SPACA1: variants seen among roughly 807,000 people sequenced by gnomAD.
The protein encoded by SPACA1 is sperm acrosome associated 1.
Under a neutral mutation model 32.6 loss-of-function variants are expected in SPACA1, and 17 were observed. The ratio of observed to expected loss-of-function variants is 0.52; its 90% CI spans 0.36 to 0.78. SPACA1 has a LOEUF of 0.78. Among genes scored for constraint, SPACA1 ranks in the 30% least tolerant of loss-of-function variants. The pLI, the probability that SPACA1 is intolerant of heterozygous loss-of-function variation, is 0.01. For synonymous variants in SPACA1, 140 were observed against 138.1 expected (o/e 1.01, Z -0.10); for missense variants, 363 against 373.4 (o/e 0.97, Z 0.23).
chr6:88,061,388 A>T (rs904769477), intron 5 of SPACA1, among the ~76,000 whole-genome samples: 1 of 151,900 alleles, frequency 6.6e-6, no homozygotes, highest in African/African-American at 2.4e-5. Context: ...ATCCAATATA[A>T]CTGGTGCCCT....
At chr6:88,064,628 A>C (rs1775949672) in intron 6 of SPACA1, among the ~76,000 whole-genome samples, 1 of 151,880 alleles carries the variant, frequency 6.6e-6, no homozygotes, top group East Asian at 1.9e-4. Flanking sequence ...GGTAAGTCTG[A>C]GGGCTCATAT....
At position 88,053,927 on chromosome 6, in the gene SPACA1, C is replaced by G; in HGVS notation, c.209-19C>G. The G allele has an allele frequency of 6.2e-7, 1 of 1,608,154 alleles. No individual in the cohort carries two copies. The highest frequency in any genetic ancestry group is 8.5e-7 in the Non-Finnish European group (1 of 1,175,390). On this transcript the variant is annotated intron_variant, in intron 1 of 6. Coordinates refer to ENST00000237201, the MANE Select transcript of SPACA1 (RefSeq NM_030960.3). ...GTTTTCATATAATTAAATAATGTAT[C>G]TTTACCCTTTATGTTTAGTTTCAAA...
At chr6:88,055,911 C>A (rs1341756097) in intron 2 of SPACA1, among the ~76,000 whole-genome samples, 4 of 151,518 alleles carry the variant, frequency 2.6e-5, no homozygotes, top group Admixed American at 2.6e-4. Flanking sequence ...GTGGAGGTTG[C>A]GTGAACTGAG....
At chr6:88,055,080 T>A (rs1019853364) in intron 2 of SPACA1, among the ~76,000 whole-genome samples, 2 of 151,728 alleles carry the variant, frequency 1.3e-5, no homozygotes, top group Non-Finnish European at 2.9e-5. Flanking sequence ...AAGTCAAGAG[T>A]CATAAAATGA....
upstream of SPACA1, chr6:88,047,739 G>A (rs1386222894): frequency 4.3e-6 from 3 of 692,938 alleles, no homozygotes; most frequent in Non-Finnish European, 7.0e-6. Flanking sequence ...CGAGTTCCAG[G>A]CGCTCAGCAC....
intron 6 of SPACA1, among the ~76,000 whole-genome samples, chr6:88,064,915 T>C (rs1775955235): frequency 6.7e-6 from 1 of 148,208 alleles, no homozygotes; most frequent in South Asian, 2.1e-4. Context: ...ATGGGTTATA[T>C]AATATATATG....
intron 6 of SPACA1, among the ~76,000 whole-genome samples, chr6:88,065,871 G>T (rs1775975046): frequency 6.6e-6 from 1 of 151,432 alleles, no homozygotes; most frequent in Admixed American, 6.6e-5. Context: ...CAAAATGTAT[G>T]ATTTTTACCA....
intron 5 of SPACA1, among the ~76,000 whole-genome samples, chr6:88,062,928 T>A (rs1258586322): frequency 1.3e-5 from 2 of 152,168 alleles, no homozygotes; most frequent in Non-Finnish European, 2.9e-5. Flanking sequence ...GAAAGAAATA[T>A]AGGAGACTAT....
At chr6:88,060,808 C>A (rs996558560) in intron 5 of SPACA1, among the ~76,000 whole-genome samples, 2 of 152,184 alleles carry the variant, frequency 1.3e-5, no homozygotes, top group African/African-American at 4.8e-5. Context: ...CCTGTTAGGA[C>A]AATTCAGTGT....
chr6:88,054,972 T>A (rs924798621), intron 2 of SPACA1, among the ~76,000 whole-genome samples: 1 of 152,108 alleles, frequency 6.6e-6, no homozygotes, highest in Non-Finnish European at 1.5e-5. Context: ...AACACTAACT[T>A]CCTGTTCCCC....
chr6:88,063,458 T>C (rs1231047156), intron 5 of SPACA1, among the ~76,000 whole-genome samples: 1 of 152,128 alleles, frequency 6.6e-6, no homozygotes, highest in Non-Finnish European at 1.5e-5. Context: ...TTACCTAGTG[T>C]GTGTTTCAAT....
At chr6:88,058,139 G>A (rs1775837889) in intron 3 of SPACA1, among the ~76,000 whole-genome samples, 2 of 152,132 alleles carry the variant, frequency 1.3e-5, no homozygotes, top group South Asian at 4.1e-4. Flanking sequence ...CAGTACATTG[G>A]AAGCCACTAA....
chr6:88,054,050 G>T, intron 2 of SPACA1, 48 bp downstream of exon 2: 1 of 1,569,930 alleles, frequency 6.4e-7, no homozygotes, highest in Non-Finnish European at 8.8e-7. Flanking sequence ...ATTTGCGGGG[G>T]AGGAAAGGTA....
chr6:88,059,704 C>A, intron 5 of SPACA1, 116 bp downstream of exon 5: 1 of 1,078,334 alleles, frequency 9.3e-7, no homozygotes. Context: ...GTTTCTGATT[C>A]AGTAGATTTG....
At chr6:88,065,170 G>C (rs1175905867) in intron 6 of SPACA1, among the ~76,000 whole-genome samples, 1 of 148,156 alleles carries the variant, frequency 6.7e-6, no homozygotes, top group Admixed American at 6.8e-5. Context: ...AACCGTATAT[G>C]TATACAAACG....
intron 2 of SPACA1, among the ~76,000 whole-genome samples, chr6:88,057,177 A>G (rs760440253): frequency 6.6e-6 from 1 of 152,224 alleles, no homozygotes; most frequent in Non-Finnish European, 1.5e-5. Context: ...CAATTAATTT[A>G]TGACATGTTA....
chr6:88,050,473 C>T (rs1339643811), intron 1 of SPACA1, among the ~76,000 whole-genome samples: 1 of 152,172 alleles, frequency 6.6e-6, no homozygotes, highest in Non-Finnish European at 1.5e-5. Context: ...TCTTCTGATT[C>T]GTTCAATAAT....
At chr6:88,064,306 G>A (rs934123627) in intron 6 of SPACA1, 87 bp downstream of exon 6, 16 of 1,377,724 alleles carry the variant, frequency 1.2e-5, no homozygotes, top group Middle Eastern at 1.9e-4. Flanking sequence ...AGCCCTGTCC[G>A]TGATGTCTCC....
chr6:88,052,584 C>CTA (rs1382411456), intron 1 of SPACA1, among the ~76,000 whole-genome samples: 1 of 152,106 alleles, frequency 6.6e-6, no homozygotes, highest in Non-Finnish European at 1.5e-5. Context: ...TTCCTGTAAT[C>CTA]CCAGCACTTT....
Sources: gnomAD v4.1 joint callset for allele counts (sites outside exome capture counted in the v4.1 genomes callset) on GRCh38, gnomAD v4.1.1 for gene constraint, MANE v1.5 for transcripts, NCBI Gene and HGNC (gene_info 2026-07-23, HGNC 2026-07-21) for gene names.